PTPN13: variants seen among roughly 807,000 people sequenced by gnomAD.
The protein encoded by PTPN13 is protein tyrosine phosphatase non-receptor type 13.
A neutral mutation model predicts 284.0 loss-of-function variants in PTPN13; 191 were observed. That is an observed-to-expected ratio of 0.67 (90% CI 0.60 to 0.76). The LOEUF is 0.76. Ranked by LOEUF, PTPN13 falls within the 30% of genes least tolerant of loss-of-function variation. PTPN13 has a pLI of 0.00. For synonymous variants in PTPN13, 986 were observed against 1,022.3 expected (o/e 0.96, Z 0.68); for missense variants, 2,797 against 2,939.9 (o/e 0.95, Z 1.12).
intron 2 of PTPN13, among the ~76,000 whole-genome samples, chr4:86,654,032 G>A (rs1416171668): frequency 6.6e-6 from 1 of 152,078 alleles, no homozygotes; most frequent in Non-Finnish European, 1.5e-5. Flanking sequence ...GTGTGTAGAG[G>A]GAAATTTATA....
chr4:86,663,244 T>C (rs560572268), intron 2 of PTPN13, among the ~76,000 whole-genome samples: 13 of 152,358 alleles, frequency 8.5e-5, no homozygotes, highest in African/African-American at 3.1e-4. Flanking sequence ...CATACAAATT[T>C]ATGGTATATA....
At chr4:86,648,373 C>A (rs1724680310) in intron 2 of PTPN13, among the ~76,000 whole-genome samples, 1 of 152,050 alleles carries the variant, frequency 6.6e-6, no homozygotes, top group Admixed American at 6.6e-5. Flanking sequence ...CTTTATCCCC[C>A]CTCCATACTA....
chr4:86,738,821 T>G (rs1445747577), intron 15 of PTPN13, among the ~76,000 whole-genome samples: 2 of 152,036 alleles, frequency 1.3e-5, no homozygotes, highest in Admixed American at 1.3e-4. Context: ...GCTGGGATTA[T>G]AGATGTGCAC....
intron 2 of PTPN13, among the ~76,000 whole-genome samples, chr4:86,645,098 A>G (rs1371846464): frequency 1.3e-5 from 2 of 152,088 alleles, no homozygotes; most frequent in African/African-American, 4.8e-5. Context: ...AGTCCCAGCT[A>G]TTCAAGAGGA....
intron 6 of PTPN13, among the ~76,000 whole-genome samples, chr4:86,697,068 A>G (rs1456075517): frequency 6.6e-6 from 1 of 152,120 alleles, no homozygotes; most frequent in Non-Finnish European, 1.5e-5. Flanking sequence ...AGTCAACTGC[A>G]TAGACTAATT....
At chr4:86,711,098 C>CTTTTTTTTTTTTTTTTTTT (rs58186398) in intron 7 of PTPN13, among the ~76,000 whole-genome samples, 5 of 97,106 alleles carry the variant, frequency 5.1e-5, no homozygotes, top group African/African-American at 7.7e-5. Flanking sequence ...TAATTATTGC[C>CTTTTTTTTTTTTTTTTTTT]TTTTTTTTTT....
chr4:86,639,854 A>C (rs1300627717), intron 2 of PTPN13, among the ~76,000 whole-genome samples: 1 of 152,064 alleles, frequency 6.6e-6, no homozygotes, highest in East Asian at 1.9e-4. Flanking sequence ...AGTAAAACAC[A>C]CATTAGAGAC....
chr4:86,711,253 A>G (rs937640909), intron 7 of PTPN13, among the ~76,000 whole-genome samples: 64 of 151,924 alleles, frequency 4.2e-4, no homozygotes, highest in African/African-American at 1.2e-3. Flanking sequence ...GGCTCGATCA[A>G]TCCACCTGCC....
chr4:86,639,549 A>C (rs1292262669), intron 2 of PTPN13, among the ~76,000 whole-genome samples: 1 of 152,128 alleles, frequency 6.6e-6, no homozygotes, highest in Admixed American at 6.5e-5. Context: ...GAAATTGGAA[A>C]TCATCATTCT....
intron 1 of PTPN13, among the ~76,000 whole-genome samples, chr4:86,626,281 C>A (rs1721827167): frequency 6.6e-6 from 1 of 152,196 alleles, no homozygotes; most frequent in Admixed American, 6.6e-5. Flanking sequence ...CCCAGAAAGG[C>A]AATTTAGACT....
intron 7 of PTPN13, among the ~76,000 whole-genome samples, chr4:86,706,136 A>G (rs1463653166): frequency 6.6e-6 from 1 of 152,190 alleles, no homozygotes; most frequent in African/African-American, 2.4e-5. Flanking sequence ...TCTGGATACC[A>G]TTTAAACCAA....
chr4:86,744,928 C>G, intron 16 of PTPN13, 38 bp from the exon 17 acceptor site: 2 of 1,415,728 alleles, frequency 1.4e-6, no homozygotes, highest in Non-Finnish European at 1.9e-6. Flanking sequence ...AATATCTCTA[C>G]TTACTATAAT....
At chr4:86,806,395 T>TA (rs968063573) in intron 44 of PTPN13, among the ~76,000 whole-genome samples, 2 of 151,698 alleles carry the variant, frequency 1.3e-5, no homozygotes, top group Non-Finnish European at 2.9e-5. Flanking sequence ...AGATAAATAA[T>TA]AAAAAAAATC....
intron 5 of PTPN13, among the ~76,000 whole-genome samples, chr4:86,692,166 T>G (rs533034626): frequency 1.9e-4 from 29 of 152,336 alleles, no homozygotes; most frequent in African/African-American, 7.0e-4. Flanking sequence ...AGTGTGTGCC[T>G]AGCATATAGT....
chr4:86,768,550 ACAGT>A (rs1437107998), intron 28 of PTPN13, among the ~76,000 whole-genome samples: 1 of 152,180 alleles, frequency 6.6e-6, no homozygotes, highest in African/African-American at 2.4e-5. Context: ...GTGATGGTGT[ACAGT>A]CATTGTTTTA....
At chr4:86,732,067 C>G (rs370809808) in intron 10 of PTPN13, among the ~76,000 whole-genome samples, 3 of 152,000 alleles carry the variant, frequency 2.0e-5, no homozygotes, top group South Asian at 4.2e-4. Context: ...TCTTCAAGAC[C>G]TTTTTTTTGA....
At chr4:86,734,565 A>T in intron 13 of PTPN13, 109 bp downstream of exon 13, 1 of 1,279,176 alleles carries the variant, frequency 7.8e-7, no homozygotes, top group Non-Finnish European at 1.1e-6. Context: ...TGTCTGCTTT[A>T]TCATAAAAGT....
At chr4:86,693,175 A>G (rs1390109737) in intron 5 of PTPN13, among the ~76,000 whole-genome samples, 1 of 152,022 alleles carries the variant, frequency 6.6e-6, no homozygotes, top group Admixed American at 6.6e-5. Context: ...TCCTCAATTC[A>G]TAGTTATAAT....
intron 2 of PTPN13, among the ~76,000 whole-genome samples, chr4:86,670,998 C>T (rs1037637992): frequency 2.6e-5 from 4 of 152,130 alleles, no homozygotes; most frequent in Non-Finnish European, 1.5e-5. Context: ...CTTTGAGGAC[C>T]ATTGGTCTAT....
Sources: gnomAD v4.1 joint callset for allele counts (sites outside exome capture counted in the v4.1 genomes callset) on GRCh38, gnomAD v4.1.1 for gene constraint, MANE v1.5 for transcripts, NCBI Gene and HGNC (gene_info 2026-07-23, HGNC 2026-07-21) for gene names.